NT5C3B: variants seen among roughly 807,000 people sequenced by gnomAD.
NT5C3B encodes the protein 5'-nucleotidase, cytosolic IIIB.
A neutral mutation model predicts 32.5 loss-of-function variants in NT5C3B; 28 were observed. The observed-to-expected ratio is 0.86, with a 90% CI of 0.64 to 1.18. The LOEUF (loss-of-function observed/expected upper bound fraction) is 1.18, where lower values mean the gene tolerates loss of function less well. Ranked by LOEUF, NT5C3B falls within the 50% of genes most tolerant of loss-of-function variation. The pLI is 0.00. For synonymous variants in NT5C3B, 138 were observed against 118.0 expected (o/e 1.17, Z -1.10); for missense variants, 317 against 322.0 (o/e 0.98, Z 0.12).
intron 6 of NT5C3B, among the ~76,000 whole-genome samples, chr17:41,829,561 T>A (rs2048019329): frequency 1.3e-5 from 2 of 152,212 alleles, no homozygotes; most frequent in Admixed American, 1.3e-4. Context: ...TTCATATAAA[T>A]AGACTCATAC....
In NT5C3B at chr17:41,835,975, A is replaced by G. The variant is rs920616632; in HGVS notation, c.13-18T>C. 16 of 1,563,226 alleles carry G rather than the reference A, an allele frequency of 1.0e-5. No homozygotes were observed. The highest frequency in any genetic ancestry group is 2.7e-5 in the African/African-American group (2 of 73,564). ...GTGCTCACCTGTCCCGAGACCCGAG[A>G]GAACCACTGACCCCTGCGCCACGCT... On this transcript the variant is annotated intron_variant, in intron 1 of 8. Coordinates refer to ENST00000435506, the MANE Select transcript of NT5C3B (RefSeq NM_052935.5).
At position 41,836,069 on chromosome 17, in the gene NT5C3B, G is replaced by A. The variant is rs1311727417; in HGVS notation, c.13-112C>T. On this transcript the variant is annotated intron_variant, in intron 1 of 8. Coordinates refer to ENST00000435506, the MANE Select transcript of NT5C3B (RefSeq NM_052935.5). ...GCGGGGCCGGGGTGCGCGAGGGGGC[G>A]GCTACTGGCCTGGGTGAAGCGGCGG... 1.0e-5 allele frequency: 14 copies of A among 1,395,056 alleles called. No individual in the cohort carries two copies. The South Asian group carries it at 1.9e-4, about 19-fold the overall frequency. The allele number at this position is 1,395,056 out of a possible 1,614,324, so 86.4% of individuals were successfully genotyped here.
chr17:41,836,131 G>A, intron 1 of NT5C3B, 51 bp downstream of exon 1: 1 of 1,322,748 alleles, frequency 7.6e-7, no homozygotes, highest in Non-Finnish European at 9.6e-7. Flanking sequence ...GAAGCGCCCC[G>A]GGGGTCGGAG....
intron 5 of NT5C3B, among the ~76,000 whole-genome samples, chr17:41,831,319 CAA>C (rs71155172): frequency 0.69 from 75,916 of 109,484 alleles, 25,096 homozygotes; most frequent in Admixed American, 0.8. Flanking sequence ...GACTCCATCT[CAA>C]AAAAAAAAAA....
Position 41,832,460 on chromosome 17 carries a change from G to A in NT5C3B, c.246C>T (p.His82=), listed in dbSNP as rs781982998. The A allele has an allele frequency of 1.4e-5, 22 of 1,613,552 alleles. No individual in the cohort carries two copies. The highest frequency in any genetic ancestry group is 1.7e-5 in the Non-Finnish European group (20 of 1,179,714). Residue 82 remains histidine (H), a synonymous_variant, in exon 5 of 9, where the codon CAC becomes CAT. Coordinates refer to ENST00000435506, the MANE Select transcript of NT5C3B (RefSeq NM_052935.5). ...ECRKELTALL[H]HYYPIEIDPH... ...GGTCGATCTCAATTGGGTAATAGTG[G>A]TGAAGGAGCGCTGTGAGCTGGGATA...
chr17:41,827,888 G>T (rs149643094), intron 7 of NT5C3B, among the ~76,000 whole-genome samples: 1 of 152,212 alleles, frequency 6.6e-6, no homozygotes, highest in South Asian at 2.1e-4. Context: ...TTGGGCAGTT[G>T]CAACAGTGAT....
intron 4 of NT5C3B, among the ~76,000 whole-genome samples, chr17:41,834,590 T>A (rs929699264): frequency 6.6e-6 from 1 of 152,020 alleles, no homozygotes; most frequent in South Asian, 2.1e-4. Context: ...CTACAAAAAA[T>A]TTTTAAAATT....
intron 6 of NT5C3B, among the ~76,000 whole-genome samples, chr17:41,829,632 T>C (rs1377081509): frequency 6.6e-6 from 1 of 152,240 alleles, no homozygotes; most frequent in Non-Finnish European, 1.5e-5. Context: ...AGTTTATCTA[T>C]ATTTTGCATG....
At position 41,835,270 on chromosome 17, in the gene NT5C3B, C is replaced by A. The variant is rs1379429071; in HGVS notation, c.114G>T (p.Val38=). 6.2e-7 allele frequency: 1 copy of A among 1,613,872 alleles called. No homozygotes were observed. The highest frequency in any genetic ancestry group is 1.3e-5 in the African/African-American group (1 of 74,914). ...TCAAGGTCATGTCAAAATCAGAAAT[C>A]ACCTATAAGGCAAAAGAGAGATGAT... is the stretch of plus-strand genomic sequence containing the variant. ...LRKGGGDRLQ[V]ISDFDMTLSR... is the part of the protein sequence containing the mutation. Residue 38 remains valine (V), a splice_region_variant and synonymous_variant, in exon 3 of 9, where the codon GTG becomes GTT. Transcript: ENST00000435506.
chr17:41,835,349 T>C (rs1555619746), intron 2 of NT5C3B, 77 bp from the exon 3 acceptor site: 29 of 1,272,084 alleles, frequency 2.3e-5, no homozygotes, highest in Non-Finnish European at 3.1e-5. Context: ...TGGGGGATGA[T>C]TATGGAAATC....
rs566044469 is a variant in NT5C3B, at chr17:41,826,044, A to G, written c.769-387T>C. Among the ~76,000 whole-genome samples the G allele has an allele frequency of 9.3e-4, 141 of 151,830 alleles. 1 individual carries two copies. Among genetic ancestry groups the G allele is most frequent in the East Asian group, 2.1e-3 (11 of 5,138 alleles). On this transcript the variant is annotated intron_variant, in intron 8 of 8. Coordinates refer to ENST00000435506, the MANE Select transcript of NT5C3B (RefSeq NM_052935.5). ...GGGGTGGGTGCCTGTAGTCCCAGCTACTCGGGAGACTGAGGCAGAAAGGAT... is the reference window on the plus strand; with the variant it reads ...GGGGTGGGTGCCTGTAGTCCCAGCTGCTCGGGAGACTGAGGCAGAAAGGAT...
intron 2 of NT5C3B, 187 bp from the exon 3 acceptor site, chr17:41,835,459 C>T: frequency 7.7e-6 from 5 of 648,824 alleles, no homozygotes; most frequent in Non-Finnish European, 1.4e-5. Flanking sequence ...ACCCGTTAAC[C>T]CTGAGGAAAA....
At chr17:41,829,754 C>T (rs1463574540) in intron 6 of NT5C3B, among the ~76,000 whole-genome samples, 2 of 152,174 alleles carry the variant, frequency 1.3e-5, no homozygotes, top group African/African-American at 2.4e-5. Context: ...TTCCAGATTT[C>T]AGCTGTTATG....
chr17:41,835,931 G>A lies in NT5C3B; in HGVS notation c.39C>T (p.Val13=), dbSNP rs148308911. ...GCACCCGCCCAGGCTGCCGCATCAG[G>A]ACCGTGGCCTTCATCAGGGTGCTCA... ...EEVSTLMKAT[V]LMRQPGRVQE... The change falls in exon 2 of 9, where the codon GTC becomes GTT. Residue 13 remains valine, a synonymous_variant. Transcript: ENST00000435506. 1.6e-4 allele frequency: 253 copies of A among 1,601,100 alleles called. 2 individuals are homozygous for A. The African/African-American group carries it at 3.1e-3, about 20-fold the overall frequency.
At chr17:41,827,174 C>T (rs1379949481) in intron 8 of NT5C3B, among the ~76,000 whole-genome samples, 2 of 151,652 alleles carry the variant, frequency 1.3e-5, no homozygotes, top group East Asian at 1.9e-4. Context: ...GGAGTGGTGG[C>T]GGGTGCCTGT....
Position 41,830,789 on chromosome 17 carries a change from C to G in NT5C3B, c.404+12G>C, listed in dbSNP as rs575711574. On this transcript the variant is annotated intron_variant, in intron 6 of 8. Transcript: ENST00000435506. Reference sequence around the variant, plus strand: ...AGTCTGATAGAAATGTTTTCCAGAGCAAGACGCTTACCTGAGCATTGCATT... The same window carrying G: ...AGTCTGATAGAAATGTTTTCCAGAGGAAGACGCTTACCTGAGCATTGCATT... 1.8e-5 allele frequency: 28 copies of G among 1,563,134 alleles called. No individual in the cohort carries two copies. The highest frequency in any genetic ancestry group is 1.9e-5 in the Non-Finnish European group (22 of 1,133,634).
intron 6 of NT5C3B, among the ~76,000 whole-genome samples, chr17:41,829,476 T>C (rs782045968): frequency 2.8e-4 from 42 of 152,242 alleles, no homozygotes; most frequent in Non-Finnish European, 5.6e-4. Flanking sequence ...TGTAACTAAC[T>C]AGCTTGAGGC....
At chr17:41,835,019 T>A in intron 4 of NT5C3B, 51 bp downstream of exon 4, 1 of 1,566,902 alleles carries the variant, frequency 6.4e-7, no homozygotes, top group East Asian at 2.2e-5. Context: ...CAGGAACCAT[T>A]TGAAGTAGCA....
chr17:41,827,324 A>T (rs1390152440), intron 8 of NT5C3B, 102 bp downstream of exon 8: 3 of 528,322 alleles, frequency 5.7e-6, no homozygotes, highest in East Asian at 3.2e-5. Context: ...AAAATAAAAT[A>T]AAAATAGAAA....
Sources: gnomAD v4.1 joint callset for allele counts (sites outside exome capture counted in the v4.1 genomes callset) on GRCh38, gnomAD v4.1.1 for gene constraint, MANE v1.5 for transcripts, NCBI Gene and HGNC (gene_info 2026-07-23, HGNC 2026-07-21) for gene names.